Variants in WWOX observed in about 807,000 individuals in gnomAD.
WWOX encodes the protein WW domain containing oxidoreductase, also known as WW domain-containing oxidoreductase.
In WWOX, 69 loss-of-function variants were observed where a neutral mutation model predicts 46.2. That is an observed-to-expected ratio of 1.49 (90% confidence interval 1.23 to 1.82). The LOEUF (loss-of-function observed/expected upper bound fraction) is 1.82, where lower values mean the gene tolerates loss of function less well. WWOX is among the 40% of genes most tolerant of loss of function. The pLI is 0.00. For missense variants in WWOX, 919 were observed against 542.6 expected (o/e 1.69, Z -6.89); for synonymous variants, 359 against 202.6 (o/e 1.77, Z -6.56).
chr16:79,029,071 C>A (rs1420342779), intron 8 of WWOX, among the ~76,000 whole-genome samples: 1 of 148,944 alleles, frequency 6.7e-6, no homozygotes, highest in East Asian at 1.9e-4. Flanking sequence ...AACATGTTTT[C>A]TCAATGGTCC....
chr16:78,359,467 G>C (rs1048314484), intron 5 of WWOX, among the ~76,000 whole-genome samples: 2 of 152,042 alleles, frequency 1.3e-5, no homozygotes, highest in Admixed American at 6.5e-5. Flanking sequence ...ACATATAAAG[G>C]ATCGATAGTT....
chr16:78,685,424 C>T (rs1272041114), intron 8 of WWOX, among the ~76,000 whole-genome samples: 5 of 152,102 alleles, frequency 3.3e-5, no homozygotes, highest in African/African-American at 7.2e-5. Context: ...TAGATCTTCA[C>T]CTGGGAATGT....
At chr16:78,103,280 T>G (rs73562741) in intron 1 of WWOX, among the ~76,000 whole-genome samples, 16,311 of 151,060 alleles carry the variant, frequency 0.11, 1,874 homozygotes, top group African/African-American at 0.29. Flanking sequence ...AATTTAACTT[T>G]AAATTCCGGG....
intron 8 of WWOX, among the ~76,000 whole-genome samples, chr16:79,070,705 G>C (rs1597346319): frequency 6.6e-6 from 1 of 152,198 alleles, no homozygotes; most frequent in African/African-American, 2.4e-5. Context: ...TCTTCCTTTA[G>C]TCAGTGGTGC....
chr16:78,992,959 A>AAG (rs1238519792), intron 8 of WWOX, among the ~76,000 whole-genome samples: 2 of 151,770 alleles, frequency 1.3e-5, no homozygotes, highest in Non-Finnish European at 2.9e-5. Flanking sequence ...TCTTTAAAAA[A>AAG]AAAATTATTC....
At chr16:79,156,668 T>A (rs2050387977) in intron 8 of WWOX, among the ~76,000 whole-genome samples, 1 of 152,014 alleles carries the variant, frequency 6.6e-6, no homozygotes, top group Admixed American at 6.6e-5. Context: ...ACAGAGGTAA[T>A]TGCTCACAGA....
intron 8 of WWOX, among the ~76,000 whole-genome samples, chr16:78,819,485 T>A (rs1250640037): frequency 6.6e-6 from 1 of 152,212 alleles, no homozygotes; most frequent in East Asian, 1.9e-4. Flanking sequence ...TCTAGAAATT[T>A]CTGCATAATC....
chr16:78,401,116 TG>T (rs2082402766), intron 6 of WWOX, among the ~76,000 whole-genome samples: 1 of 152,212 alleles, frequency 6.6e-6, no homozygotes, highest in Non-Finnish European at 1.5e-5. Flanking sequence ...CATGTCCAGC[TG>T]CCTTGTTTTT....
intron 8 of WWOX, among the ~76,000 whole-genome samples, chr16:78,772,950 A>T (rs2050099666): frequency 6.6e-6 from 1 of 152,178 alleles, no homozygotes; most frequent in Admixed American, 6.5e-5. Flanking sequence ...GCTTGGGCCC[A>T]GGAGGCTGAG....
At chr16:78,743,355 T>G (rs939887560) in intron 8 of WWOX, among the ~76,000 whole-genome samples, 1 of 152,152 alleles carries the variant, frequency 6.6e-6, no homozygotes, top group Admixed American at 6.5e-5. Context: ...CTTAACTCAT[T>G]GATTCTCAAA....
intron 8 of WWOX, among the ~76,000 whole-genome samples, chr16:78,579,826 G>A (rs1435216128): frequency 2.6e-5 from 4 of 152,144 alleles, no homozygotes; most frequent in Non-Finnish European, 5.9e-5. Flanking sequence ...ACATGATGGT[G>A]CTTGGGAAAT....
intron 8 of WWOX, among the ~76,000 whole-genome samples, chr16:78,614,735 G>T (rs532378350): frequency 6.6e-6 from 1 of 152,270 alleles, no homozygotes; most frequent in African/African-American, 2.4e-5. Flanking sequence ...CTTCCTTGAC[G>T]TGTTTTATGT....
intron 5 of WWOX, among the ~76,000 whole-genome samples, chr16:78,354,517 C>G (rs2081245856): frequency 1.3e-5 from 2 of 152,058 alleles, no homozygotes; most frequent in South Asian, 4.1e-4. Flanking sequence ...GCAATTACAA[C>G]TGGAAAACAT....
At chr16:78,308,446 G>C (rs56377920) in intron 5 of WWOX, among the ~76,000 whole-genome samples, 1 of 151,964 alleles carries the variant, frequency 6.6e-6, no homozygotes, top group African/African-American at 2.4e-5. Context: ...AGATCCTAAG[G>C]CTGACAAAAC....
intron 5 of WWOX, among the ~76,000 whole-genome samples, chr16:78,337,921 AACCTCG>A (rs1205813030): frequency 9.2e-3 from 1,093 of 118,790 alleles, no homozygotes; most frequent in Non-Finnish European, 0.014. Flanking sequence ...CTGTCCTGCT[AACCTCG>A]TGTCTCTTGC....
intron 8 of WWOX, among the ~76,000 whole-genome samples, chr16:78,553,842 G>C (rs1186477089): frequency 6.6e-6 from 1 of 152,080 alleles, no homozygotes; most frequent in East Asian, 1.9e-4. Flanking sequence ...AGCTGGCAAA[G>C]GGAAGTGTGG....
intron 8 of WWOX, among the ~76,000 whole-genome samples, chr16:78,922,130 G>C (rs190080085): frequency 6.6e-6 from 1 of 152,136 alleles, no homozygotes; most frequent in Non-Finnish European, 1.5e-5. Context: ...TCTTCGTTGC[G>C]TAGGTGTGAT....
intron 8 of WWOX, among the ~76,000 whole-genome samples, chr16:79,074,742 A>G (rs1380800517): frequency 2.0e-5 from 3 of 152,266 alleles, no homozygotes; most frequent in Non-Finnish European, 4.4e-5. Context: ...CTAAGCTGAG[A>G]TAGCCTAACT....
At chr16:78,885,288 T>G (rs2044431575) in intron 8 of WWOX, among the ~76,000 whole-genome samples, 1 of 152,152 alleles carries the variant, frequency 6.6e-6, no homozygotes, top group South Asian at 2.1e-4. Flanking sequence ...TGTATTTTCT[T>G]TACTAAATTA....
Sources: gnomAD v4.1 joint callset for allele counts (sites outside exome capture counted in the v4.1 genomes callset) on GRCh38, gnomAD v4.1.1 for gene constraint, MANE v1.5 for transcripts, NCBI Gene and HGNC (gene_info 2026-07-23, HGNC 2026-07-21) for gene names.